Variants in TLE4 observed in about 807,000 individuals in gnomAD.
TLE4 encodes the protein TLE family member 4, transcriptional corepressor.
In TLE4, 8 loss-of-function variants were observed where a neutral mutation model predicts 92.8. The ratio of observed to expected loss-of-function variants is 0.09; its 90% CI spans 0.05 to 0.16. TLE4 has a LOEUF of 0.16. TLE4 is among the 10% of genes least tolerant of loss of function. The pLI is 1.00. For synonymous variants in TLE4, 371 were observed against 374.1 expected, an observed-to-expected ratio of 0.99 and a Z score of 0.10; for missense variants, 675 against 997.6, an observed-to-expected ratio of 0.68 and a Z score of 4.36.
At chr9:79,706,138 A>G (rs976461789) in intron 10 of TLE4, among the ~76,000 whole-genome samples, 196 bp downstream of exon 10, 2 of 152,096 alleles carry the variant, frequency 1.3e-5, no homozygotes, top group African/African-American at 2.4e-5. Flanking sequence ...TTGAACTCCT[A>G]CGCTAAAGTG....
At chr9:79,724,117 C>G in intron 19 of TLE4, among the ~76,000 whole-genome samples, 1 of 151,434 alleles carries the variant, frequency 6.6e-6, no homozygotes, top group East Asian at 1.9e-4. Context: ...AAATTTGTGT[C>G]ACATTTTTAC....
intron 4 of TLE4, chr9:79,576,860 G>A (rs191135418): frequency 6.6e-6 from 1 of 151,364 alleles, no homozygotes; most frequent in Admixed American, 6.6e-5. Flanking sequence ...GACTCAAACA[G>A]TCTTCTTTTT....
intron 6 of TLE4, among the ~76,000 whole-genome samples, chr9:79,635,473 C>T (rs139064913): frequency 2.9e-3 from 442 of 151,422 alleles, no homozygotes; most frequent in Non-Finnish European, 5.3e-3. Context: ...AACCGAAGAC[C>T]GCAAACATGT....
chr9:79,619,780 TTGGGGCTTC>T (rs1364494279), intron 5 of TLE4, among the ~76,000 whole-genome samples: 5 of 152,228 alleles, frequency 3.3e-5, no homozygotes, highest in Non-Finnish European at 2.9e-5. Context: ...TAGACATGGA[TTGGGGCTTC>T]TGGGGATTTG....
intron 8 of TLE4, among the ~76,000 whole-genome samples, chr9:79,657,178 T>G (rs1360822280): frequency 1.3e-5 from 2 of 152,206 alleles, no homozygotes; most frequent in Non-Finnish European, 2.9e-5. Flanking sequence ...CTTCCTTGCT[T>G]GTCACTTGGC....
chr9:79,652,625 A>G lies in TLE4; in HGVS notation c.423A>G (p.Gly141=), dbSNP rs760767334. ...QQLQAQHLSH[G]HGLPVPLTPH... ...TCCAGGCCCAGCATTTATCACATGG[A>G]CATGGTCTCCCCGTACCTCTGACTC... Residue 141 remains glycine, a synonymous_variant, in exon 7 of 20, where the codon GGA becomes GGG. Coordinates refer to ENST00000376552, the MANE Select transcript of TLE4 (RefSeq NM_007005.6). The G allele has an allele frequency of 2.5e-6, 4 of 1,614,090 alleles. No individual in the cohort carries two copies. The highest frequency in any genetic ancestry group is 2.5e-6 in the Non-Finnish European group (3 of 1,179,994).
At chr9:79,585,436 T>TCAC (rs1157873979) in intron 4 of TLE4, among the ~76,000 whole-genome samples, 1 of 152,212 alleles carries the variant, frequency 6.6e-6, no homozygotes, top group African/African-American at 2.4e-5. Context: ...TCAGCATACT[T>TCAC]ACTACCTTCC....
intron 8 of TLE4, among the ~76,000 whole-genome samples, chr9:79,701,587 T>G (rs1256145975): frequency 6.6e-6 from 1 of 152,186 alleles, no homozygotes; most frequent in African/African-American, 2.4e-5. Flanking sequence ...AATATGAAAT[T>G]AGCCAGATTT....
intron 8 of TLE4, among the ~76,000 whole-genome samples, chr9:79,686,252 A>G (rs1252444628): frequency 1.3e-5 from 2 of 152,178 alleles, no homozygotes; most frequent in East Asian, 3.8e-4. Flanking sequence ...GGATGACTGT[A>G]ATTTAGAAAG....
intron 6 of TLE4, among the ~76,000 whole-genome samples, chr9:79,650,670 A>G (rs2058800214): frequency 3.9e-5 from 6 of 152,150 alleles, no homozygotes; most frequent in Admixed American, 3.9e-4. Context: ...GAATCACCTT[A>G]TCTCAAAACT....
At chr9:79,617,834 GAA>G (rs202053188) in intron 5 of TLE4, among the ~76,000 whole-genome samples, 7 of 139,198 alleles carry the variant, frequency 5.0e-5, no homozygotes, top group South Asian at 2.3e-4. Context: ...TTTTTTCAAG[GAA>G]AAAAAAAAAA....
chr9:79,650,407 A>T (rs947862756), intron 6 of TLE4, among the ~76,000 whole-genome samples: 14 of 152,178 alleles, frequency 9.2e-5, no homozygotes, highest in Non-Finnish European at 2.9e-5. Flanking sequence ...CTCTGATCTG[A>T]GGTAGAAAGT....
intron 8 of TLE4, among the ~76,000 whole-genome samples, chr9:79,673,553 T>C (rs986695037): frequency 6.6e-6 from 1 of 152,210 alleles, no homozygotes; most frequent in African/African-American, 2.4e-5. Flanking sequence ...TTTCAAATTA[T>C]TTTCTGCATA....
intron 8 of TLE4, among the ~76,000 whole-genome samples, chr9:79,679,413 G>A (rs1411198379): frequency 6.6e-6 from 1 of 152,310 alleles, no homozygotes; most frequent in East Asian, 1.9e-4. Context: ...CTGCATAAAT[G>A]TCTTCTTTTG....
chr9:79,573,501 C>A, intron 1 of TLE4, 188 bp from the exon 2 acceptor site: 2 of 876,310 alleles, frequency 2.3e-6, no homozygotes, highest in South Asian at 3.4e-5. Flanking sequence ...GGCCCCAGGA[C>A]CACCTCGAAA....
intron 6 of TLE4, among the ~76,000 whole-genome samples, chr9:79,637,746 G>A (rs1271517447): frequency 6.6e-6 from 1 of 152,182 alleles, no homozygotes; most frequent in Non-Finnish European, 1.5e-5. Flanking sequence ...GTTAAGGCAG[G>A]TGTTTTAACC....
intron 4 of TLE4, among the ~76,000 whole-genome samples, chr9:79,595,374 G>C (rs1350927193): frequency 6.6e-6 from 1 of 152,174 alleles, no homozygotes; most frequent in Non-Finnish European, 1.5e-5. Flanking sequence ...CTTGTTACTT[G>C]TGCAAAAATT....
intron 4 of TLE4, among the ~76,000 whole-genome samples, chr9:79,599,332 C>G (rs557713749): frequency 1.3e-5 from 2 of 152,260 alleles, no homozygotes; most frequent in South Asian, 4.1e-4. Flanking sequence ...GGTTTTCAAT[C>G]CTGCCTGCAC....
intron 8 of TLE4, among the ~76,000 whole-genome samples, chr9:79,691,180 C>G (rs2135527668): frequency 6.6e-6 from 1 of 152,114 alleles, no homozygotes; most frequent in East Asian, 1.9e-4. Context: ...CCTTACTGGC[C>G]CCCCATTTCT....
Sources: allele counts gnomAD v4.1 joint callset (sites outside exome capture counted in the v4.1 genomes callset), GRCh38; gene constraint gnomAD v4.1.1; transcripts MANE v1.5; gene names NCBI Gene and HGNC (gene_info 2026-07-23, HGNC 2026-07-21).